The following ZNF365 variants were observed in gnomAD, a reference collection of about 807,000 sequenced individuals.
The protein encoded by ZNF365 is protein ZNF365.
In ZNF365, 22 loss-of-function variants were observed where a neutral mutation model predicts 35.0. The ratio of observed to expected loss-of-function variants is 0.63; its 90% CI spans 0.45 to 0.90. ZNF365 has a LOEUF of 0.90. Ranked by LOEUF, ZNF365 falls within the 40% of genes least tolerant of loss-of-function variation. The pLI is 0.00. For missense variants in ZNF365, 448 were observed against 500.3 expected, an observed-to-expected ratio of 0.90 and a Z score of 1.00; for synonymous variants, 188 against 196.2, an observed-to-expected ratio of 0.96 and a Z score of 0.35.
intron 3 of ZNF365, among the ~76,000 whole-genome samples, chr10:62,457,873 A>G (rs1330938253): frequency 6.6e-6 from 1 of 152,196 alleles, no homozygotes; most frequent in Non-Finnish European, 1.5e-5. Flanking sequence ...GCTTCCCTTT[A>G]GGATGCAAGT....
intron 3 of ZNF365, among the ~76,000 whole-genome samples, chr10:62,451,716 C>T (rs1840686677): frequency 6.6e-6 from 1 of 152,212 alleles, no homozygotes. Flanking sequence ...CCCCACCCAG[C>T]TCAATAATGC....
intron 3 of ZNF365, among the ~76,000 whole-genome samples, chr10:62,424,751 T>C (rs2132450769): frequency 1.3e-5 from 2 of 152,358 alleles, no homozygotes; most frequent in Middle Eastern, 6.8e-3. Flanking sequence ...AAATGTTCCA[T>C]GGCCTACAGT....
rs986544986 is a variant in ZNF365 at position 62,402,243 on chromosome 10, T to C, written c.*2454T>C. The C allele has an allele frequency of 1.0e-6, 1 of 985,796 alleles. No homozygotes were observed. The highest frequency in any genetic ancestry group is 1.2e-6 in the Non-Finnish European group (1 of 829,922). The allele number at this position is 985,796 out of a possible 1,614,324, so 61.1% of individuals were successfully genotyped here. A position where few individuals can be genotyped will look rare whatever the true frequency, so the allele number is the denominator to read the frequency against. On this transcript the variant is annotated 3_prime_UTR_variant, in exon 5 of 5. Coordinates refer to ENST00000395254, the MANE Select transcript of ZNF365 (RefSeq NM_014951.3). ...TTTTATTTGTCTTGTAGGGAAGAAA[T>C]CTTCCTTTGAACCGCTTTTCTTGCT... is the stretch of plus-strand genomic sequence containing the variant.
At chr10:62,387,900 T>C (rs963396357) in intron 2 of ZNF365, among the ~76,000 whole-genome samples, 1 of 152,062 alleles carries the variant, frequency 6.6e-6, no homozygotes, top group Admixed American at 6.6e-5. Context: ...CCCATCTCAT[T>C]TGTAATAAAA....
chr10:62,425,385 A>G (rs1840235880), intron 3 of ZNF365, among the ~76,000 whole-genome samples: 2 of 152,220 alleles, frequency 1.3e-5, no homozygotes. Context: ...AGCTGAGGAA[A>G]ACATTTGTAA....
At position 62,401,154 on chromosome 10, in the gene ZNF365, T is replaced by C; in HGVS notation, c.*1365T>C. On this transcript the variant is annotated 3_prime_UTR_variant, in exon 5 of 5. Coordinates refer to ENST00000395254, the MANE Select transcript of ZNF365 (RefSeq NM_014951.3). Reference sequence around the variant, plus strand: ...TACATATATACATATATATAACACATACAAAATATATATGTTAAGTATATT... The same window carrying C: ...TACATATATACATATATATAACACACACAAAATATATATGTTAAGTATATT... 1.0e-6 allele frequency: 1 copy of C among 957,970 alleles called. No homozygotes were observed. Among genetic ancestry groups the C allele is most frequent in the Non-Finnish European group, 1.2e-6 (1 of 805,114 alleles). 59.3% of individuals were successfully genotyped at this position (957,970 alleles called of 1,614,324 possible). A position where few individuals can be genotyped will look rare whatever the true frequency, so the allele number is the denominator to read the frequency against.
chr10:62,438,385 G>C (rs977600363), intron 3 of ZNF365, among the ~76,000 whole-genome samples: 1 of 151,556 alleles, frequency 6.6e-6, no homozygotes, highest in Admixed American at 6.6e-5. Context: ...ATGAGGTTTC[G>C]CCACATTGCC....
intron 2 of ZNF365, among the ~76,000 whole-genome samples, chr10:62,384,394 G>A (rs1023771804): frequency 6.6e-6 from 1 of 151,934 alleles, no homozygotes; most frequent in Non-Finnish European, 1.5e-5. Flanking sequence ...TGTTTATTTC[G>A]GTATTTCCTT....
rs1289547889 is a variant in ZNF365, at chr10:62,402,388, C to G, written c.*2599C>G. On this transcript the variant is annotated 3_prime_UTR_variant, in exon 5 of 5. Transcript: ENST00000395254. ...TGTACAGAAGTTGGAATATTCTGTT[C>G]CAGAATTAAAGAAGTTTTTAGATTA... The G allele has an allele frequency of 1.6e-5, 16 of 984,654 alleles. No homozygotes were observed. Among genetic ancestry groups the G allele is most frequent in the Non-Finnish European group, 1.9e-5 (16 of 829,356 alleles). The allele number at this position is 984,654 out of a possible 1,614,324, so 61.0% of individuals were successfully genotyped here.
At chr10:62,399,290 C>G (rs1199020159) in intron 4 of ZNF365, among the ~76,000 whole-genome samples, 6 of 152,124 alleles carry the variant, frequency 3.9e-5, no homozygotes, top group Non-Finnish European at 1.5e-5. Context: ...TCAGTCTTAT[C>G]ACTGTAAATA....
chr10:62,477,678 T>C (rs1251729140), intron 4 of ZNF365, among the ~76,000 whole-genome samples: 1 of 152,196 alleles, frequency 6.6e-6, no homozygotes, highest in Non-Finnish European at 1.5e-5. Context: ...AAATGCCCAT[T>C]ACAGGTCAGC....
chr10:62,445,511 A>G (rs1840572198), intron 3 of ZNF365, among the ~76,000 whole-genome samples: 1 of 152,196 alleles, frequency 6.6e-6, no homozygotes, highest in African/African-American at 2.4e-5. Flanking sequence ...GGCAGCCCCA[A>G]CCAGGTCGCT....
At chr10:62,473,487 T>G (rs977759778) in intron 4 of ZNF365, among the ~76,000 whole-genome samples, 4 of 152,156 alleles carry the variant, frequency 2.6e-5, no homozygotes, top group African/African-American at 4.8e-5. Context: ...GAGTTTCGAT[T>G]TGGGGGCCAG....
At chr10:62,395,605 C>T (rs765816383) in intron 3 of ZNF365, among the ~76,000 whole-genome samples, 3 of 150,972 alleles carry the variant, frequency 2.0e-5, no homozygotes, top group East Asian at 3.9e-4. Context: ...GATCTGCCCA[C>T]GTCGGCCTCC....
Position 62,401,834 on chromosome 10 carries a change from C to G in ZNF365, c.*2045C>G. On this transcript the variant is annotated 3_prime_UTR_variant, in exon 5 of 5. Coordinates refer to ENST00000395254, the MANE Select transcript of ZNF365 (RefSeq NM_014951.3). ...GCAACTCTCTTTGACAGTGGTACCC[C>G]ATGATCTTCAGAAAGTACCATAATG... The G allele has an allele frequency of 1.0e-6, 1 of 985,514 alleles. No homozygotes were observed. Among genetic ancestry groups the G allele is most frequent in the South Asian group, 4.7e-5 (1 of 21,282 alleles). 61.0% of individuals were successfully genotyped at this position (985,514 alleles called of 1,614,324 possible).
rs1189675880 is a variant in ZNF365 at position 62,400,781 on chromosome 10, C to A, written c.*992C>A. ...TCTCTTCGCTGGCTTAACTTTTCCA[C>A]TGGGTGGTTCACTTTGCCTCCTGCT... is the stretch of plus-strand genomic sequence containing the variant. On this transcript the variant is annotated 3_prime_UTR_variant, in exon 5 of 5. Transcript: ENST00000395254. 29 of 983,536 alleles carry A rather than the reference C, an allele frequency of 2.9e-5. No individual in the cohort carries two copies. The highest frequency in any genetic ancestry group is 6.3e-5 in the Admixed American group (1 of 15,968). The allele number at this position is 983,536 out of a possible 1,614,324, so 60.9% of individuals were successfully genotyped here.
At chr10:62,431,586 C>A (rs7907393) in intron 3 of ZNF365, among the ~76,000 whole-genome samples, 2,893 of 152,148 alleles carry the variant, frequency 0.019, 82 homozygotes, top group African/African-American at 0.066. Flanking sequence ...TTTGATGGTT[C>A]CAACCAATGC....
At chr10:62,396,040 A>G (rs1410821714) in intron 3 of ZNF365, among the ~76,000 whole-genome samples, 1 of 152,186 alleles carries the variant, frequency 6.6e-6, no homozygotes, top group African/African-American at 2.4e-5. Context: ...AAGCTTTTCC[A>G]TCTGCCTGAC....
In ZNF365 at chr10:62,401,735, G is replaced by A; in HGVS notation, c.*1946G>A. The stretch of plus-strand genomic sequence containing the variant: ...GCATGCTCTTTGTCCTGTAATGTGT[G>A]TGCAATGACAACTTGTTTCTGTTTT... On this transcript the variant is annotated 3_prime_UTR_variant, in exon 5 of 5. Coordinates refer to ENST00000395254, the MANE Select transcript of ZNF365 (RefSeq NM_014951.3). 1 of 985,450 alleles carries A rather than the reference G, an allele frequency of 1.0e-6. No homozygotes were observed. Among genetic ancestry groups the A allele is most frequent in the Non-Finnish European group, 1.2e-6 (1 of 829,894 alleles). The allele number at this position is 985,450 out of a possible 1,614,324, so 61.0% of individuals were successfully genotyped here.
Sources: allele counts gnomAD v4.1 joint callset (sites outside exome capture counted in the v4.1 genomes callset), GRCh38; gene constraint gnomAD v4.1.1; transcripts MANE v1.5; gene names NCBI Gene and HGNC (gene_info 2026-07-23, HGNC 2026-07-21).